The following CPS1 variants were observed in gnomAD, a reference collection of about 807,000 sequenced individuals.
The protein encoded by CPS1 is carbamoyl-phosphate synthase [ammonia], mitochondrial.
Under a neutral mutation model 174.6 loss-of-function variants are expected in CPS1, and 109 were observed. The ratio of observed to expected loss-of-function variants is 0.62; its 90% CI spans 0.53 to 0.73. The LOEUF is 0.73. CPS1 is among the 30% of genes least tolerant of loss of function. The pLI, the probability that CPS1 is intolerant of heterozygous loss-of-function variation, is 0.00. For missense variants in CPS1, 1,689 were observed against 1,821.9 expected (o/e 0.93, Z 1.33); for synonymous variants, 637 against 632.0 (o/e 1.01, Z -0.12).
chr2:210,589,786 G>A (rs1228950107), intron 7 of CPS1, among the ~76,000 whole-genome samples: 2 of 151,796 alleles, frequency 1.3e-5, no homozygotes, highest in African/African-American at 4.8e-5. Context: ...CAGTTTTCTG[G>A]GTAGCTGGGA....
chr2:210,608,293 A>G, intron 18 of CPS1, 68 bp from the exon 19 acceptor site: 2 of 1,472,462 alleles, frequency 1.4e-6, no homozygotes, highest in Admixed American at 1.7e-5. Flanking sequence ...AGAAAGACCA[A>G]TTTATGTTTT....
chr2:210,517,519 C>T (rs1481633756), intron 1 of CPS1, among the ~76,000 whole-genome samples: 2 of 151,968 alleles, frequency 1.3e-5, no homozygotes, highest in African/African-American at 2.4e-5. Flanking sequence ...AACTGCCCCA[C>T]CTTGAATCGA....
intron 36 of CPS1, among the ~76,000 whole-genome samples, chr2:210,676,441 G>A (rs6749137): frequency 0.073 from 11,107 of 152,268 alleles, 413 homozygotes; most frequent in Middle Eastern, 0.15. Context: ...ATTCTCTGCT[G>A]TTTTAAGATA....
At chr2:210,666,698 G>T (rs1701111878) in intron 33 of CPS1, among the ~76,000 whole-genome samples, 1 of 152,092 alleles carries the variant, frequency 6.6e-6, no homozygotes, top group Non-Finnish European at 1.5e-5. Flanking sequence ...CTCTGTTTTG[G>T]TACCAGTACC....
At chr2:210,598,381 C>G (rs191574666) in intron 13 of CPS1, among the ~76,000 whole-genome samples, 21 of 151,804 alleles carry the variant, frequency 1.4e-4, no homozygotes, top group Non-Finnish European at 2.7e-4. Context: ...TGAATATAAA[C>G]AGGCTAAATG....
intron 1 of CPS1, among the ~76,000 whole-genome samples, chr2:210,503,765 C>T (rs151045100): frequency 1.3e-5 from 2 of 152,286 alleles, no homozygotes; most frequent in African/African-American, 4.8e-5. Flanking sequence ...TTCATAGCAG[C>T]TGTGGTAGCA....
intron 1 of CPS1, among the ~76,000 whole-genome samples, chr2:210,512,689 T>C (rs1156776349): frequency 4.2e-5 from 6 of 142,064 alleles, no homozygotes; most frequent in Non-Finnish European, 7.6e-5. Flanking sequence ...GTCTTTTTGG[T>C]AGAACAATTT....
Position 210,678,418 on chromosome 2 carries a change from A to G in CPS1, c.*433A>G, listed in dbSNP as rs943726342. On this transcript the variant is annotated 3_prime_UTR_variant, in exon 38 of 38. Transcript: ENST00000233072. ...GGGCAGAATACTCTAAAAACTTGAT[A>G]AAATTAAATATAGATTTAATTTATG... 5.1e-6 allele frequency: 1 copy of G among 197,574 alleles called. No homozygotes were observed. The highest frequency in any genetic ancestry group is 2.4e-5 in the African/African-American group (1 of 42,092). 12.2% of individuals were successfully genotyped at this position (197,574 alleles called of 1,614,324 possible).
At chr2:210,601,543 C>A (rs1698725833) in intron 15 of CPS1, among the ~76,000 whole-genome samples, 1 of 151,986 alleles carries the variant, frequency 6.6e-6, no homozygotes, top group Non-Finnish European at 1.5e-5. Flanking sequence ...TCTTGCCATA[C>A]ATTTGTTCTT....
chr2:210,502,203 T>C (rs1262516880), intron 1 of CPS1, among the ~76,000 whole-genome samples: 2 of 151,842 alleles, frequency 1.3e-5, no homozygotes, highest in African/African-American at 4.8e-5. Flanking sequence ...CAACTCAAGG[T>C]GAGATTTGAG....
intron 21 of CPS1, among the ~76,000 whole-genome samples, chr2:210,620,747 G>T (rs150971421): frequency 0.014 from 2,124 of 152,110 alleles, 23 homozygotes; most frequent in Non-Finnish European, 0.02. Flanking sequence ...GAGAGCACCA[G>T]GGGGTTGGTG....
At chr2:210,619,595 T>C (rs1433471172) in intron 21 of CPS1, 1 of 152,128 alleles carries the variant, frequency 6.6e-6, no homozygotes, top group Non-Finnish European at 1.5e-5. Flanking sequence ...CATTTCTTAA[T>C]TTCCTTTATG....
chr2:210,550,499 A>G (rs1194474666), intron 1 of CPS1, among the ~76,000 whole-genome samples: 2 of 151,978 alleles, frequency 1.3e-5, no homozygotes, highest in Admixed American at 1.3e-4. Flanking sequence ...TATTGTTTAT[A>G]AAATAGGGAT....
chr2:210,571,696 A>C (rs1164199227), intron 1 of CPS1, among the ~76,000 whole-genome samples: 3 of 152,052 alleles, frequency 2.0e-5, no homozygotes, highest in African/African-American at 4.8e-5. Context: ...CTTTGGATCT[A>C]AAAGAGGCAT....
intron 29 of CPS1, among the ~76,000 whole-genome samples, chr2:210,656,174 G>A (rs1252610384): frequency 6.6e-6 from 1 of 151,996 alleles, no homozygotes; most frequent in East Asian, 1.9e-4. Context: ...TTCTTTCCCA[G>A]TGCCTAAAAG....
chr2:210,532,976 G>C (rs1230247203), intron 1 of CPS1, among the ~76,000 whole-genome samples: 2 of 152,176 alleles, frequency 1.3e-5, no homozygotes, highest in East Asian at 1.9e-4. Flanking sequence ...TTATTATCAA[G>C]CTAATGTGGG....
Position 210,608,473 on chromosome 2 carries a change from A to G in CPS1, c.2305A>G (p.Met769Val), listed in dbSNP as rs1026808443. Reference protein sequence around the residue: ...SACFEPSLDYMVTKIPRWDLD... With the variant: ...SACFEPSLDYVVTKIPRWDLD... ...CTGTTTTGAACCTAGCCTGGATTAC[A>G]TGGTCACCAAGATTCCCCGCTGGGA... The change falls in exon 19 of 38, where the codon ATG becomes GTG. Residue 769 changes from methionine to valine, a missense_variant. By Grantham distance (21) the Met-to-Val change is conservative. Coordinates refer to ENST00000233072, the MANE Select transcript of CPS1 (RefSeq NM_001875.5). 2.5e-6 allele frequency: 4 copies of G among 1,612,562 alleles called. No individual in the cohort carries two copies. Among genetic ancestry groups the G allele is most frequent in the Non-Finnish European group, 3.4e-6 (4 of 1,178,984 alleles).
chr2:210,485,246 T>TAAAAAAA (rs3036510), intron 1 of CPS1, among the ~76,000 whole-genome samples: 3 of 146,628 alleles, frequency 2.0e-5, no homozygotes, highest in Non-Finnish European at 4.5e-5. Flanking sequence ...AAAAAAAAAA[T>TAAAAAAA]AAAATAAAAA....
intron 24 of CPS1, among the ~76,000 whole-genome samples, chr2:210,642,257 T>A (rs1453636884): frequency 6.6e-6 from 1 of 152,252 alleles, no homozygotes; most frequent in Non-Finnish European, 1.5e-5. Flanking sequence ...GAATTTAGCA[T>A]ATATGACAAG....
Sources: allele counts gnomAD v4.1 joint callset (sites outside exome capture counted in the v4.1 genomes callset), GRCh38; gene constraint gnomAD v4.1.1; transcripts MANE v1.5; gene names NCBI Gene and HGNC (gene_info 2026-07-23, HGNC 2026-07-21).